Variants in PYM1 observed in about 807,000 individuals in gnomAD.
The protein encoded by PYM1 is PYM1 exon junction complex associated factor, also known as partner of Y14 and mago.
PYM1 carries 7 observed loss-of-function variants against 20.7 expected under a neutral mutation model. That is an observed-to-expected ratio of 0.34 (90% confidence interval 0.19 to 0.64). The LOEUF (loss-of-function observed/expected upper bound fraction) is 0.64. Ranked by LOEUF, PYM1 falls within the 30% of genes least tolerant of loss-of-function variation. The probability of loss-of-function intolerance (pLI) is 0.74; values close to 1 mark genes in which losing one functional copy is unlikely to be tolerated. For synonymous variants in PYM1, 100 were observed against 99.2 expected (o/e 1.01, Z -0.05); for missense variants, 194 against 250.0 (o/e 0.78, Z 1.51).
At chr12:55,916,709 A>T (rs1883014161) in intron 1 of PYM1, among the ~76,000 whole-genome samples, 1 of 152,042 alleles carries the variant, frequency 6.6e-6, no homozygotes, top group East Asian at 1.9e-4. Flanking sequence ...GAGGCAGAAG[A>T]ATCACTTGAA....
chr12:55,927,455 C>T (rs1287496709), intron 1 of PYM1: 5 of 692,116 alleles, frequency 7.2e-6, no homozygotes, highest in Admixed American at 2.3e-5. Context: ...CCACCTGCAC[C>T]CAAAAAGGGG....
At chr12:55,904,339 A>C (rs1471307627) in intron 1 of PYM1, among the ~76,000 whole-genome samples, 5 of 150,670 alleles carry the variant, frequency 3.3e-5, no homozygotes, top group Admixed American at 6.6e-5. Context: ...CATGCCTATA[A>C]TCCCAGCACT....
At chr12:55,906,621 T>A (rs1292371707) in intron 1 of PYM1, among the ~76,000 whole-genome samples, 1 of 152,138 alleles carries the variant, frequency 6.6e-6, no homozygotes, top group East Asian at 1.9e-4. Context: ...ATCGCTGATA[T>A]AGAGTATGGT....
rs556058218 is a variant in PYM1, at chr12:55,904,219, G to A, written c.38-739C>T. On this transcript the variant is annotated intron_variant, in intron 1 of 2. Transcript: ENST00000408946. ...TGACCTCAGGTGATCCGCCCGCCTC[G>A]GCCTCCCAAATTGCTGGGATTATAG... Among the ~76,000 whole-genome samples the A allele has an allele frequency of 8.1e-4, 122 of 151,400 alleles. 1 individual carries two copies. Among genetic ancestry groups the A allele is most frequent in the Non-Finnish European group, 9.1e-4 (62 of 67,782 alleles).
chr12:55,925,379 A>G (rs1444756392), intron 1 of PYM1, among the ~76,000 whole-genome samples: 1 of 152,216 alleles, frequency 6.6e-6, no homozygotes, highest in Non-Finnish European at 1.5e-5. Context: ...GATGGGGAGC[A>G]GCTGAAGAAA....
At chr12:55,904,531 C>T (rs530666397) in intron 1 of PYM1, among the ~76,000 whole-genome samples, 75 of 130,848 alleles carry the variant, frequency 5.7e-4, no homozygotes, top group African/African-American at 2.0e-3. Flanking sequence ...AGGAGGCGGA[C>T]ATTGCAGTGG....
Position 55,927,033 on chromosome 12 carries a change from C to G in PYM1, c.37+692G>C, listed in dbSNP as rs1027010809. 2.1e-4 allele frequency: 317 copies of G among 1,490,384 alleles called. 1 individual carries two copies. The highest frequency in any genetic ancestry group is 2.7e-4 in the Non-Finnish European group (297 of 1,113,944). 92.3% of individuals were successfully genotyped at this position (1,490,384 alleles called of 1,614,324 possible). On this transcript the variant is annotated intron_variant, in intron 1 of 2. Transcript: ENST00000408946. ...CCCTTTCCAAGTCCGAACCCCTGCC[C>G]CGAGAGCCCGGAGAGAAGCGGCTCC...
At position 55,901,842 on chromosome 12, in the gene PYM1, C is replaced by T. The variant is rs751289948; in HGVS notation, c.*30G>A. On this transcript the variant is annotated 3_prime_UTR_variant, in exon 3 of 3. Transcript: ENST00000408946. ...ACCCCAGAGAGCCCCACGGTTTGTT[C>T]TGCAGTCCATTCCCTATTCCCCAAA... 2 of 1,571,132 alleles carry T rather than the reference C, an allele frequency of 1.3e-6. No individual in the cohort carries two copies. Among genetic ancestry groups the T allele is most frequent in the East Asian group, 2.2e-5 (1 of 44,546 alleles).
At chr12:55,911,082 C>A (rs750884996) in intron 1 of PYM1, among the ~76,000 whole-genome samples, 1 of 152,046 alleles carries the variant, frequency 6.6e-6, no homozygotes, top group African/African-American at 2.4e-5. Context: ...AGAAATAGAT[C>A]TAGCTATGTT....
chr12:55,902,392 T>C, intron 2 of PYM1, 37 bp from the exon 3 acceptor site: 1 of 1,565,212 alleles, frequency 6.4e-7, no homozygotes, highest in African/African-American at 1.4e-5. Flanking sequence ...TTTCAGAGAA[T>C]TACTGACTTT....
rs1882835758 is a variant in PYM1 at position 55,907,225 on chromosome 12, A to T, written c.38-3745T>A. 2.0e-5 allele frequency among the ~76,000 whole-genome samples: 3 copies of T among 151,794 alleles called. No individual in the cohort carries two copies. The South Asian group carries it at 6.2e-4, about 32-fold the overall frequency. On this transcript the variant is annotated intron_variant, in intron 1 of 2. Transcript: ENST00000408946. ...ACACCTGTAATCCCAGCAATTTGGG[A>T]GGTTGAAGTGGGTGGATCACACAAG...
In PYM1 at chr12:55,905,921, T is replaced by TTA. The variant is rs1181410161; in HGVS notation, c.38-2443_38-2442dup. ...ATATATCTAATAGATATATATATTA[T>TTA]TATATATATCTAATAGATATATATA... On this transcript the variant is annotated intron_variant, in intron 1 of 2. Transcript: ENST00000408946. Among the ~76,000 whole-genome samples, 6 of 103,184 alleles carry TTA rather than the reference T, an allele frequency of 5.8e-5. 1 individual carries two copies. The highest frequency in any genetic ancestry group is 9.1e-5 in the Non-Finnish European group (5 of 54,828). 67.7% of individuals were successfully genotyped at this position (103,184 alleles called of 152,430 possible).
chr12:55,909,581 T>C, intron 1 of PYM1, among the ~76,000 whole-genome samples: 1 of 145,660 alleles, frequency 6.9e-6, no homozygotes. Flanking sequence ...AAGGGTGACT[T>C]GGAAAAAAAA....
At chr12:55,903,980 T>G (rs1592633770) in intron 1 of PYM1, among the ~76,000 whole-genome samples, 1 of 152,192 alleles carries the variant, frequency 6.6e-6, no homozygotes, top group Non-Finnish European at 1.5e-5. Flanking sequence ...TCATTTTGTT[T>G]TGTTTTTAGA....
rs191048563 is a variant in PYM1, at chr12:55,909,321, G to A, written c.38-5841C>T. ...AGTTCGTTCTCAAACAAAAACTCAC[G>A]CATGGGAATGTAGATAGCATTTTCA... On this transcript the variant is annotated intron_variant, in intron 1 of 2. Coordinates refer to ENST00000408946, the MANE Select transcript of PYM1 (RefSeq NM_032345.3). Among the ~76,000 whole-genome samples the A allele has an allele frequency of 2.8e-4, 43 of 152,244 alleles. 1 individual carries two copies. Among genetic ancestry groups the A allele is most frequent in the Admixed American group, 2.0e-4 (3 of 15,250 alleles).
intron 1 of PYM1, chr12:55,926,987 CG>C (rs1222144436): frequency 5.1e-6 from 7 of 1,375,590 alleles, no homozygotes; most frequent in Non-Finnish European, 6.8e-6. Context: ...GGAGGGGCCC[CG>C]GGATGGGCGG....
At chr12:55,905,968 T>TATATATATTATTATATATATCTAATAG (rs1882807515) in intron 1 of PYM1, among the ~76,000 whole-genome samples, 1 of 128,070 alleles carries the variant, frequency 7.8e-6, no homozygotes, top group Non-Finnish European at 1.6e-5. Context: ...ATCTAATAGA[T>TATATATATTATTATATATATCTAATAG]ATATATATTA....
Position 55,904,792 on chromosome 12 carries a change from G to A in PYM1, c.38-1312C>T, listed in dbSNP as rs148309660. On this transcript the variant is annotated intron_variant, in intron 1 of 2. Transcript: ENST00000408946. Reference sequence around the variant, plus strand: ...CTGGGGAGGCCGAGGCACGAGAATCGCTTGAACCTGGGAGGCAGAGGTTGC... The same window carrying A: ...CTGGGGAGGCCGAGGCACGAGAATCACTTGAACCTGGGAGGCAGAGGTTGC... Among the ~76,000 whole-genome samples the A allele has an allele frequency of 1.1e-3, 168 of 151,360 alleles. 2 individuals carry two copies. Among genetic ancestry groups the A allele is most frequent in the Admixed American group, 2.6e-3 (39 of 15,160 alleles).
rs1053174587 is a variant in PYM1, at chr12:55,909,142, A to G, written c.38-5662T>C. ...TTGGACTTTACTGGGTGAGTAAAAC[A>G]TAACTACTATGGATATTTTTTGCCC... On this transcript the variant is annotated intron_variant, in intron 1 of 2. Transcript: ENST00000408946. Among the ~76,000 whole-genome samples the G allele has an allele frequency of 5.3e-5, 8 of 152,322 alleles. No individual in the cohort carries two copies. The East Asian group carries it at 1.2e-3, about 22-fold the overall frequency.
Sources: allele counts gnomAD v4.1 joint callset (sites outside exome capture counted in the v4.1 genomes callset), GRCh38; gene constraint gnomAD v4.1.1; transcripts MANE v1.5; gene names NCBI Gene and HGNC (gene_info 2026-07-23, HGNC 2026-07-21).